COMMD1: variants seen among roughly 807,000 people sequenced by gnomAD.
COMMD1 encodes the protein COMM domain-containing protein 1.
A neutral mutation model predicts 17.2 loss-of-function variants in COMMD1; 10 were observed. The ratio of observed to expected loss-of-function variants is 0.58; its 90% confidence interval spans 0.36 to 0.99. COMMD1 has a LOEUF of 0.99. Among genes scored for constraint, COMMD1 ranks in the 50% least tolerant of loss-of-function variants. The pLI, the probability that COMMD1 is intolerant of heterozygous loss-of-function variation, is 0.01. For missense variants in COMMD1, 270 were observed against 231.8 expected (o/e 1.17, Z -1.07); for synonymous variants, 97 against 91.6 (o/e 1.06, Z -0.34).
chr2:61,951,856 A>G (rs149050183), intron 1 of COMMD1, among the ~76,000 whole-genome samples: 4 of 152,282 alleles, frequency 2.6e-5, no homozygotes, highest in African/African-American at 7.2e-5. Context: ...ATTTGTTTAC[A>G]TATTCTAGAG....
upstream of COMMD1, among the ~76,000 whole-genome samples, chr2:61,902,262 C>T (rs971565297): frequency 2.0e-5 from 3 of 151,656 alleles, no homozygotes; most frequent in Non-Finnish European, 4.4e-5. Context: ...AATCCCAGCA[C>T]TTTGGGAGGC....
At chr2:62,084,246 A>G (rs1031339870) in intron 2 of COMMD1, among the ~76,000 whole-genome samples, 4 of 152,168 alleles carry the variant, frequency 2.6e-5, no homozygotes, top group Non-Finnish European at 5.9e-5. Context: ...TCTACATATA[A>G]TTTTGACTTC....
chr2:62,086,731 G>T (rs756688533), intron 2 of COMMD1, among the ~76,000 whole-genome samples: 1 of 152,268 alleles, frequency 6.6e-6, no homozygotes, highest in Non-Finnish European at 1.5e-5. Flanking sequence ...CCCAGAACTA[G>T]ACAGTGAACC....
At chr2:61,970,362 T>C (rs1314756409) in intron 1 of COMMD1, among the ~76,000 whole-genome samples, 1 of 152,130 alleles carries the variant, frequency 6.6e-6, no homozygotes, top group African/African-American at 2.4e-5. Flanking sequence ...TGTCCCTTGG[T>C]GTCCATGGGG....
chr2:62,038,348 ATGTAT>A (rs1485997259), intron 2 of COMMD1, among the ~76,000 whole-genome samples: 3 of 152,096 alleles, frequency 2.0e-5, no homozygotes, highest in Non-Finnish European at 4.4e-5. Context: ...ATGAATCAAA[ATGTAT>A]TAAGTAATGA....
chr2:62,120,469 T>C (rs1672714400), intron 2 of COMMD1, among the ~76,000 whole-genome samples: 1 of 152,206 alleles, frequency 6.6e-6, no homozygotes, highest in African/African-American at 2.4e-5. Context: ...CAACACTCTT[T>C]TTTTAATGTG....
intron 2 of COMMD1, among the ~76,000 whole-genome samples, chr2:62,041,825 C>G (rs983497927): frequency 6.6e-6 from 1 of 152,212 alleles, no homozygotes; most frequent in Non-Finnish European, 1.5e-5. Context: ...CGTGGTCTCG[C>G]TGGCTTCAGG....
At chr2:61,923,129 G>T (rs984104416) in intron 1 of COMMD1, among the ~76,000 whole-genome samples, 3 of 152,164 alleles carry the variant, frequency 2.0e-5, no homozygotes, top group Admixed American at 6.5e-5. Flanking sequence ...TACTTGATTA[G>T]TGGACTCAAA....
At chr2:61,906,536 A>G (rs966149375) in intron 1 of COMMD1, among the ~76,000 whole-genome samples, 1 of 152,206 alleles carries the variant, frequency 6.6e-6, no homozygotes, top group Non-Finnish European at 1.5e-5. Flanking sequence ...TAAAGCACAT[A>G]TCTCGGACTT....
chr2:62,120,228 C>G (rs2104070863), intron 2 of COMMD1, among the ~76,000 whole-genome samples: 1 of 151,686 alleles, frequency 6.6e-6, no homozygotes, highest in East Asian at 1.9e-4. Context: ...TTGAACTCCC[C>G]AGACTGAAGT....
At chr2:62,056,276 A>G (rs547905003) in intron 2 of COMMD1, among the ~76,000 whole-genome samples, 13 of 152,338 alleles carry the variant, frequency 8.5e-5, no homozygotes, top group South Asian at 4.1e-4. Context: ...ATGCTTTTAC[A>G]TGTTCACACA....
At chr2:62,116,149 G>A (rs1360443553) in intron 2 of COMMD1, among the ~76,000 whole-genome samples, 1 of 152,076 alleles carries the variant, frequency 6.6e-6, no homozygotes, top group Non-Finnish European at 1.5e-5. Flanking sequence ...ACCCGGCCCT[G>A]TTGTATTTTT....
intron 1 of COMMD1, among the ~76,000 whole-genome samples, chr2:61,897,576 C>T (rs1281429591): frequency 3.3e-5 from 5 of 152,090 alleles, no homozygotes; most frequent in African/African-American, 9.6e-5. Context: ...GATGAAATCC[C>T]GTCTGTACTA....
intron 2 of COMMD1, among the ~76,000 whole-genome samples, chr2:62,048,221 C>T (rs1034423490): frequency 7.3e-6 from 1 of 137,128 alleles, no homozygotes. Flanking sequence ...CTCGCTCTGT[C>T]GCCCAGGCTG....
At chr2:62,052,526 G>T (rs931154325) in intron 2 of COMMD1, among the ~76,000 whole-genome samples, 1 of 152,064 alleles carries the variant, frequency 6.6e-6, no homozygotes, top group African/African-American at 2.4e-5. Context: ...CACACATCAG[G>T]TAATAGGATG....
chr2:61,970,878 T>G (rs953250914), intron 1 of COMMD1, among the ~76,000 whole-genome samples: 1 of 152,200 alleles, frequency 6.6e-6, no homozygotes, highest in African/African-American at 2.4e-5. Context: ...ATCTGTTATA[T>G]TTGGTCATAG....
At chr2:61,971,770 G>A (rs1249917674) in intron 1 of COMMD1, among the ~76,000 whole-genome samples, 1 of 151,888 alleles carries the variant, frequency 6.6e-6, no homozygotes, top group Non-Finnish European at 1.5e-5. Context: ...TTCAAAATAA[G>A]CTAAATTTAT....
At chr2:61,963,030 C>G (rs190241779) in intron 1 of COMMD1, among the ~76,000 whole-genome samples, 8 of 151,302 alleles carry the variant, frequency 5.3e-5, no homozygotes, top group Non-Finnish European at 1.2e-4. Context: ...TGTGGTGGCA[C>G]GCACCTATAA....
chr2:62,042,960 C>T (rs1306579593), intron 2 of COMMD1, among the ~76,000 whole-genome samples: 2 of 152,216 alleles, frequency 1.3e-5, no homozygotes, highest in Non-Finnish European at 2.9e-5. Context: ...ATACTTCAAA[C>T]CTATTTTTTC....
Sources: gnomAD v4.1 joint callset for allele counts (sites outside exome capture counted in the v4.1 genomes callset) on GRCh38, gnomAD v4.1.1 for gene constraint, MANE v1.5 for transcripts, NCBI Gene and HGNC (gene_info 2026-07-23, HGNC 2026-07-21) for gene names.